Variants in CDH23 observed in about 807,000 individuals in gnomAD.
The protein encoded by CDH23 is cadherin-23.
CDH23 carries 189 observed loss-of-function variants against 317.1 expected under a neutral mutation model. The ratio of observed to expected loss-of-function variants is 0.60; its 90% confidence interval spans 0.53 to 0.67. CDH23 has a LOEUF of 0.67. CDH23 is among the 30% of genes least tolerant of loss of function. The probability of loss-of-function intolerance (pLI) is 0.00; values close to 1 mark genes in which losing one functional copy is unlikely to be tolerated. For missense variants in CDH23, 4,401 were observed against 4,592.4 expected (o/e 0.96, Z 1.20); for synonymous variants, 1,839 against 1,876.8 (o/e 0.98, Z 0.52).
At position 71,702,557 on chromosome 10, in the gene CDH23, C is replaced by T; in HGVS notation, c.2596C>T (p.Pro866Ser). The T allele has an allele frequency of 6.2e-7, 1 of 1,613,950 alleles. No individual in the cohort carries two copies. Among genetic ancestry groups the T allele is most frequent in the Non-Finnish European group, 8.5e-7 (1 of 1,179,866 alleles). The change falls in exon 24 of 70, where the codon CCC (proline) becomes TCC (serine). Residue 866 changes from proline (P) to serine (S), a missense_variant. Transcript: ENST00000224721. ...IVVSVTDCGR[P>S]PLKATSSATV... ...CGCCCTGGTCTTCCCAGGTGGCAGGCCCCCTCTGAAAGCCACCAGCAGTGC... is the reference window on the plus strand; with the variant it reads ...CGCCCTGGTCTTCCCAGGTGGCAGGTCCCCTCTGAAAGCCACCAGCAGTGC...
At chr10:71,622,725 C>A (rs1273705713) in intron 11 of CDH23, among the ~76,000 whole-genome samples, 6 of 152,192 alleles carry the variant, frequency 3.9e-5, no homozygotes, top group Admixed American at 3.3e-4. Context: ...GAGCTGGGAG[C>A]ATTTGATCCA....
intron 20 of CDH23, among the ~76,000 whole-genome samples, chr10:71,693,341 G>T (rs1270234848): frequency 2.0e-5 from 3 of 151,984 alleles, no homozygotes; most frequent in Non-Finnish European, 2.9e-5. Context: ...CTATCAGGGT[G>T]ATGTTTGCAT....
At chr10:71,454,840 A>G (rs1564590811) in intron 3 of CDH23, among the ~76,000 whole-genome samples, 1 of 98,662 alleles carries the variant, frequency 1.0e-5, no homozygotes, top group East Asian at 3.0e-4. Flanking sequence ...TTTTTTTTAC[A>G]TTTTATTTTT....
intron 31 of CDH23, 75 bp downstream of exon 31, chr10:71,730,679 G>A (rs1046108640): frequency 2.2e-5 from 35 of 1,579,816 alleles, no homozygotes; most frequent in Admixed American, 1.6e-4. Context: ...CCCCTCCTTC[G>A]AAACGGTCAT....
chr10:71,779,331 C>A lies in CDH23; in HGVS notation c.5252C>A (p.Pro1751Gln), dbSNP rs774582506. 1.2e-6 allele frequency: 2 copies of A among 1,613,980 alleles called. No individual in the cohort carries two copies. The highest frequency in any genetic ancestry group is 2.2e-5 in the East Asian group (1 of 44,888). Reference sequence around the variant, plus strand: ...ACCTTCCCCCGGGACTATGAGGGACCATTTGAAGTCACTGAGGGCCAGCCG... The same window carrying A: ...ACCTTCCCCCGGGACTATGAGGGACAATTTGAAGTCACTGAGGGCCAGCCG... ...VPTFPRDYEG[P>Q]FEVTEGQPGP... is the part of the protein sequence containing the mutation. Residue 1751 changes from proline to glutamine, a missense_variant, in exon 41 of 70, where the codon CCA becomes CAA. Around this residue, in one of 3 missense-constraint regions of CDH23, gnomAD observed 3,068 missense variants for 3,203.3 expected, o/e 0.96. Coordinates refer to ENST00000224721, the MANE Select transcript of CDH23 (RefSeq NM_022124.6).
intron 3 of CDH23, among the ~76,000 whole-genome samples, chr10:71,481,503 AC>A (rs1436618834): frequency 2.0e-5 from 3 of 152,182 alleles, no homozygotes; most frequent in African/African-American, 7.2e-5. Context: ...CTCAGGGTGC[AC>A]GTGAGATAAG....
At chr10:71,688,809 A>G (rs796235864) in intron 19 of CDH23, among the ~76,000 whole-genome samples, 1,124 of 3,814 alleles carry the variant, frequency 0.29, 41 homozygotes, top group Non-Finnish European at 0.36. Flanking sequence ...GGTGGAGCCA[A>G]CGGTGGTGGA....
chr10:71,703,909 T>C (rs1865683049), intron 24 of CDH23, among the ~76,000 whole-genome samples: 1 of 152,010 alleles, frequency 6.6e-6, no homozygotes, highest in South Asian at 2.1e-4. Flanking sequence ...AACTTCTGAG[T>C]TCATAGAGGA....
Position 71,617,154 on chromosome 10 carries a change from G to A in CDH23, c.946-51G>A, listed in dbSNP as rs1861229261. ...AGAAAGTCTTTGGTAAGCAAGAGCT[G>A]TTGCTGTGATTAGCTGCCTTCACTC... On this transcript the variant is annotated intron_variant, in intron 10 of 69. Transcript: ENST00000224721. 4.5e-6 allele frequency: 7 copies of A among 1,569,046 alleles called. No homozygotes were observed. In the South Asian group the frequency reaches 7.0e-5, roughly 16 times the overall value.
At chr10:71,468,803 G>A (rs1231582246) in intron 3 of CDH23, among the ~76,000 whole-genome samples, 1 of 152,182 alleles carries the variant, frequency 6.6e-6, no homozygotes, top group Admixed American at 6.5e-5. Context: ...CCCTCTGCCG[G>A]GGCCCGGCAG....
At chr10:71,646,367 G>A (rs1862858674) in intron 13 of CDH23, 92 bp from the exon 14 acceptor site, 1 of 1,558,004 alleles carries the variant, frequency 6.4e-7, no homozygotes, top group Admixed American at 1.7e-5. Flanking sequence ...TCTGGGCTGG[G>A]GCCGGCAAAG....
intron 10 of CDH23, among the ~76,000 whole-genome samples, chr10:71,616,243 A>G (rs560138643): frequency 3.3e-5 from 5 of 152,362 alleles, no homozygotes; most frequent in African/African-American, 1.2e-4. Flanking sequence ...AGCCCAGGCC[A>G]TCAGCCGTTG....
chr10:71,687,865 C>T (rs763577207), intron 19 of CDH23, 146 bp downstream of exon 19: 78 of 760,534 alleles, frequency 1.0e-4, no homozygotes, highest in Admixed American at 3.5e-4. Flanking sequence ...CTTGACAAAT[C>T]GGGGAGCCTT....
intron 22 of CDH23, among the ~76,000 whole-genome samples, chr10:71,697,350 C>T (rs1356255928): frequency 6.6e-6 from 1 of 152,228 alleles, no homozygotes; most frequent in Non-Finnish European, 1.5e-5. Flanking sequence ...TGCCAGGCCC[C>T]ACGCTTGTCA....
At chr10:71,420,445 T>TG (rs1848716750) in intron 1 of CDH23, among the ~76,000 whole-genome samples, 1 of 26,700 alleles carries the variant, frequency 3.7e-5, no homozygotes, top group African/African-American at 1.7e-4. Flanking sequence ...TGATGGTCAT[T>TG]ATGATGGTGA....
At chr10:71,734,554 G>C (rs1755209228) in intron 33 of CDH23, 102 bp from the exon 34 acceptor site, 1 of 1,607,734 alleles carries the variant, frequency 6.2e-7, no homozygotes, top group South Asian at 1.1e-5. Context: ...GGCACCTCCA[G>C]AGACACTGCC....
At chr10:71,612,742 T>C (rs1860976300) in intron 9 of CDH23, among the ~76,000 whole-genome samples, 1 of 152,214 alleles carries the variant, frequency 6.6e-6, no homozygotes. Flanking sequence ...CAGCTGAGCC[T>C]TAGGGGCTCA....
intron 20 of CDH23, 113 bp from the exon 21 acceptor site, chr10:71,694,034 C>T (rs1865281455): frequency 4.7e-6 from 4 of 847,546 alleles, no homozygotes; most frequent in Non-Finnish European, 7.8e-6. Context: ...AGCTTGCTAA[C>T]ATTTCTCGTG....
At chr10:71,490,610 G>C (rs916078310) in intron 3 of CDH23, among the ~76,000 whole-genome samples, 1 of 152,228 alleles carries the variant, frequency 6.6e-6, no homozygotes, top group Non-Finnish European at 1.5e-5. Context: ...CTGAGCCAGG[G>C]CTACACGAAT....
Sources: gnomAD v4.1 joint callset for allele counts (sites outside exome capture counted in the v4.1 genomes callset) on GRCh38, gnomAD v4.1.1 for gene constraint, gnomAD v4.1.1 regional missense constraint, MANE v1.5 for transcripts, NCBI Gene and HGNC (gene_info 2026-07-23, HGNC 2026-07-21) for gene names.